Variants in LOXHD1 observed in about 807,000 individuals in gnomAD.
LOXHD1 encodes the protein lipoxygenase homology domain-containing protein 1.
Under a neutral mutation model 248.2 loss-of-function variants are expected in LOXHD1, and 205 were observed. The observed-to-expected ratio is 0.83, with a 90% CI of 0.74 to 0.93. The LOEUF (loss-of-function observed/expected upper bound fraction) is 0.93. LOXHD1 is among the 40% of genes least tolerant of loss of function. The pLI is 0.00. For missense variants in LOXHD1, 2,930 were observed against 2,971.6 expected (o/e 0.99, Z 0.33); for synonymous variants, 1,113 against 1,162.8 (o/e 0.96, Z 0.87).
intron 4 of LOXHD1, among the ~76,000 whole-genome samples, chr18:46,629,046 AC>A (rs1297747221): frequency 6.6e-6 from 1 of 152,156 alleles, no homozygotes; most frequent in Non-Finnish European, 1.5e-5. Context: ...AAAGGAAGCC[AC>A]CAAAGGCCAA....
chr18:46,584,484 TAA>T (rs1209642357), intron 12 of LOXHD1, among the ~76,000 whole-genome samples: 1 of 152,122 alleles, frequency 6.6e-6, no homozygotes, highest in Non-Finnish European at 1.5e-5. Flanking sequence ...CTCAAAATGT[TAA>T]ATTGTACTCC....
chr18:46,629,061 C>T (rs1367043174), intron 4 of LOXHD1, among the ~76,000 whole-genome samples: 1 of 152,118 alleles, frequency 6.6e-6, no homozygotes, highest in Non-Finnish European at 1.5e-5. Context: ...AGGCCAATCT[C>T]CTTTTGCCCC....
intron 14 of LOXHD1, among the ~76,000 whole-genome samples, chr18:46,573,642 T>C (rs566970061): frequency 6.6e-6 from 1 of 151,542 alleles, no homozygotes; most frequent in Non-Finnish European, 1.5e-5. Flanking sequence ...AGTTCAGGCA[T>C]CCCCAAACTG....
At chr18:46,587,043 G>A (rs894936327) in intron 12 of LOXHD1, among the ~76,000 whole-genome samples, 3 of 152,174 alleles carry the variant, frequency 2.0e-5, no homozygotes, top group Non-Finnish European at 2.9e-5. Flanking sequence ...GGTATAGGTA[G>A]GCACTTAAAC....
At chr18:46,500,321 G>C (rs4890664) in intron 37 of LOXHD1, among the ~76,000 whole-genome samples, 63,279 of 151,966 alleles carry the variant, frequency 0.42, 14,739 homozygotes, top group East Asian at 0.68. Context: ...AGACCCCACT[G>C]TTACTGGACA....
intron 19 of LOXHD1, 32 bp downstream of exon 19, chr18:46,560,051 C>CCA: frequency 7.6e-7 from 1 of 1,310,690 alleles, no homozygotes; most frequent in Non-Finnish European, 1.1e-6. Context: ...TGGCCACTCC[C>CCA]TCCCCACCCC....
intron 38 of LOXHD1, among the ~76,000 whole-genome samples, chr18:46,486,529 C>T (rs2033066781): frequency 6.6e-6 from 1 of 152,196 alleles, no homozygotes; most frequent in South Asian, 2.1e-4. Flanking sequence ...TTCTGCAGCC[C>T]AGGGCAGATT....
At chr18:46,606,528 CT>C (rs2038416102) in intron 6 of LOXHD1, among the ~76,000 whole-genome samples, 1 of 152,154 alleles carries the variant, frequency 6.6e-6, no homozygotes, top group Admixed American at 6.5e-5. Flanking sequence ...AAATTATTGA[CT>C]GATACTGTGT....
At chr18:46,574,419 A>ACACACACACACACACACACC (rs1357990413) in intron 14 of LOXHD1, among the ~76,000 whole-genome samples, 15 of 149,034 alleles carry the variant, frequency 1.0e-4, no homozygotes, top group African/African-American at 3.5e-4. Context: ...ACACACACAC[A>ACACACACACACACACACACC]CCTGATCCTA....
intron 34 of LOXHD1, among the ~76,000 whole-genome samples, chr18:46,512,209 A>G (rs2035004147): frequency 6.6e-6 from 1 of 152,082 alleles, no homozygotes; most frequent in Non-Finnish European, 1.5e-5. Flanking sequence ...AGATAACAAC[A>G]TCGCCATTTT....
chr18:46,591,350 C>A (rs2144227256), intron 12 of LOXHD1, among the ~76,000 whole-genome samples: 1 of 152,322 alleles, frequency 6.6e-6, no homozygotes, highest in East Asian at 1.9e-4. Context: ...GTTTTGATCA[C>A]TTAGTAATGT....
chr18:46,519,974 A>C (rs1370218215), intron 33 of LOXHD1, among the ~76,000 whole-genome samples: 1 of 152,040 alleles, frequency 6.6e-6, no homozygotes, highest in African/African-American at 2.4e-5. Context: ...GCTCCAAGGG[A>C]GCTGCAGCTG....
At position 46,595,018 on chromosome 18, in the gene LOXHD1, T is replaced by C. The variant is rs4890676; in HGVS notation, c.1135-552A>G. Among the ~76,000 whole-genome samples, 1,016 of 152,360 alleles carry C rather than the reference T, an allele frequency of 6.7e-3. 24 individuals carry two copies. Among genetic ancestry groups the C allele is most frequent in the Middle Eastern group, 0.051 (15 of 294 alleles). ...TCTCCTGGCACACTACAGAATCCTC[T>C]ATCAGCAAAGAAATTTTGACTCTCA... On this transcript the variant is annotated intron_variant, in intron 8 of 40. Transcript: ENST00000642948.
At chr18:46,521,337 G>C (rs538562370) in intron 32 of LOXHD1, 55 bp from the exon 33 acceptor site, 2 of 1,533,372 alleles carry the variant, frequency 1.3e-6, no homozygotes, top group African/African-American at 2.8e-5. Context: ...GGAAGGAAGT[G>C]CTCCCTGCCC....
chr18:46,560,048 T>TCCCGCCCCC, intron 19 of LOXHD1, 35 bp downstream of exon 19: 1 of 1,226,298 alleles, frequency 8.2e-7, no homozygotes, highest in Non-Finnish European at 1.1e-6. Context: ...GTCTGGCCAC[T>TCCCGCCCCC]CCCTCCCCAC....
At chr18:46,598,522 T>C (rs551786961) in intron 8 of LOXHD1, among the ~76,000 whole-genome samples, 2 of 146,104 alleles carry the variant, frequency 1.4e-5, no homozygotes, top group African/African-American at 5.0e-5. Context: ...AAAAAAAAAC[T>C]GTTATCATTT....
intron 25 of LOXHD1, among the ~76,000 whole-genome samples, chr18:46,539,297 C>A (rs1323330576): frequency 6.6e-6 from 1 of 152,154 alleles, no homozygotes; most frequent in Non-Finnish European, 1.5e-5. Flanking sequence ...CCTGTTTCTA[C>A]TAAAAATATA....
At position 46,485,062 on chromosome 18, in the gene LOXHD1, C is replaced by T; in HGVS notation, c.6139G>A (p.Glu2047Lys). 2 of 1,550,970 alleles carry T rather than the reference C, an allele frequency of 1.3e-6. No individual in the cohort carries two copies. The highest frequency in any genetic ancestry group is 1.7e-6 in the Non-Finnish European group (2 of 1,146,776). ...CTAGAAGAATTTTCCATGAGAAACT[C>T]TTTGGATCGGTTCTTCCTGCCCTCC... ...ILEGRKNRSK[E>K]FLMENSSRQR... The change falls in exon 39 of 41, where the codon GAG becomes AAG. Residue 2047 changes from glutamate to lysine, a missense_variant. Transcript: ENST00000642948.
At chr18:46,591,038 A>G (rs942321023) in intron 12 of LOXHD1, among the ~76,000 whole-genome samples, 1 of 152,220 alleles carries the variant, frequency 6.6e-6, no homozygotes, top group East Asian at 1.9e-4. Context: ...AACTGTTTCA[A>G]CAAATATATA....
Sources: allele counts gnomAD v4.1 joint callset (sites outside exome capture counted in the v4.1 genomes callset), GRCh38; gene constraint gnomAD v4.1.1; transcripts MANE v1.5; gene names NCBI Gene and HGNC (gene_info 2026-07-23, HGNC 2026-07-21).